YARS1: variants seen among roughly 807,000 people sequenced by gnomAD.
YARS1 encodes tyrosine--tRNA ligase, cytoplasmic.
A neutral mutation model predicts 62.2 loss-of-function variants in YARS1; 36 were observed. The ratio of observed to expected loss-of-function variants is 0.58; its 90% CI spans 0.44 to 0.76. The LOEUF is 0.76. YARS1 is among the 30% of genes least tolerant of loss of function. YARS1 has a pLI of 0.00. For synonymous variants in YARS1, 234 were observed against 244.9 expected (o/e 0.96, Z 0.42); for missense variants, 524 against 639.8 (o/e 0.82, Z 1.95).
chr1:32,805,501 C>G (rs889251697), intron 4 of YARS1, among the ~76,000 whole-genome samples: 8 of 152,132 alleles, frequency 5.3e-5, no homozygotes, highest in Non-Finnish European at 8.8e-5. Flanking sequence ...ATGTCTGTTT[C>G]TATTTTTCAG....
chr1:32,776,908 G>T lies in YARS1; in HGVS notation c.1477-817C>A, dbSNP rs950554678. Among the ~76,000 whole-genome samples the T allele has an allele frequency of 2.0e-5, 3 of 151,948 alleles. No individual in the cohort carries two copies. Among genetic ancestry groups the T allele is most frequent in the Admixed American group, 6.6e-5 (1 of 15,260 alleles). On this transcript the variant is annotated intron_variant, in intron 12 of 12. Transcript: ENST00000373477. The surrounding 1 kb of genome is among the most constrained non-coding windows in gnomAD (Gnocchi z 4.0). ...CTTGAACCTGAGAGGAGGAGGTTGT[G>T]GCGGGCCGAGATCACGCCACCACAC...
rs1652830995 is a variant in YARS1 at position 32,775,682 on chromosome 1, A to C, written c.*299T>G. ...TTCCAATTATAAGGACTGTGGCATAAATTTTTAAATGAGTTATATTGAAAC... is the reference window on the plus strand; with the variant it reads ...TTCCAATTATAAGGACTGTGGCATACATTTTTAAATGAGTTATATTGAAAC... On this transcript the variant is annotated 3_prime_UTR_variant, in exon 13 of 13. Coordinates refer to ENST00000373477, the MANE Select transcript of YARS1 (RefSeq NM_003680.4). 4.6e-6 allele frequency: 2 copies of C among 437,830 alleles called. No individual in the cohort carries two copies. Among genetic ancestry groups the C allele is most frequent in the Non-Finnish European group, 8.3e-6 (2 of 239,876 alleles). The allele number at this position is 437,830 out of a possible 1,614,324, so 27.1% of individuals were successfully genotyped here.
At chr1:32,816,600 T>A (rs1240142859) in intron 1 of YARS1, among the ~76,000 whole-genome samples, 1 of 152,220 alleles carries the variant, frequency 6.6e-6, no homozygotes, top group Non-Finnish European at 1.5e-5. Flanking sequence ...CAATTTCTGT[T>A]TCCTCCATCT....
At chr1:32,805,311 T>C (rs1458980694) in intron 4 of YARS1, among the ~76,000 whole-genome samples, 1 of 150,884 alleles carries the variant, frequency 6.6e-6, no homozygotes, top group Non-Finnish European at 1.5e-5. Flanking sequence ...CACCTTGCAC[T>C]TTTATGTTAT....
intron 10 of YARS1, 192 bp from the exon 11 acceptor site, chr1:32,780,470 A>T (rs981543476): frequency 3.1e-6 from 2 of 640,850 alleles, no homozygotes; most frequent in East Asian, 5.5e-5. Context: ...TCTGCTCTCA[A>T]CTGAGGCCAG....
At chr1:32,787,981 G>A (rs941130819) in intron 6 of YARS1, among the ~76,000 whole-genome samples, 10 of 152,042 alleles carry the variant, frequency 6.6e-5, no homozygotes, top group Non-Finnish European at 1.2e-4. Context: ...GTGGTTGTAC[G>A]CGCCTGTGGT....
At chr1:32,813,142 C>T (rs1569782415) in intron 1 of YARS1, among the ~76,000 whole-genome samples, 1 of 152,156 alleles carries the variant, frequency 6.6e-6, no homozygotes, top group South Asian at 2.1e-4. Flanking sequence ...CAATGTATAC[C>T]TTACTTGTAT....
rs1473184666 is a variant in YARS1, at chr1:32,806,490, C to T, written c.502G>A (p.Gly168Arg). ...CCATCCCCCTTAAGTACCTGCAGTC[C>T]GGGGTATAAGAGGCCACTCAGCAAA... ...HPLLSGLLYP[G>R]LQALDEEYLK... The change falls in exon 4 of 13, where the codon GGA (glycine) becomes AGA (arginine). Residue 168 changes from glycine to arginine, a missense_variant. Coordinates refer to ENST00000373477, the MANE Select transcript of YARS1 (RefSeq NM_003680.4). The T allele has an allele frequency of 8.1e-6, 13 of 1,613,886 alleles. No homozygotes were observed. The highest frequency in any genetic ancestry group is 2.7e-5 in the African/African-American group (2 of 74,908).
Position 32,780,294 on chromosome 1 carries a change from G to A in YARS1, c.1141-16C>T, listed in dbSNP as rs201616999. On this transcript the variant is annotated splice_polypyrimidine_tract_variant and intron_variant, in intron 10 of 12. Transcript: ENST00000373477. ...CATCTGGGTGCTGCCAGGGAGAGAC[G>A]TCAGGAGGAAGAGGATCATCGTCCA... 3.2e-5 allele frequency: 52 copies of A among 1,613,784 alleles called. No homozygotes were observed. In the East Asian group the frequency reaches 5.1e-4, roughly 16 times the overall value.
At chr1:32,785,101 C>T (rs918190560) in intron 8 of YARS1, among the ~76,000 whole-genome samples, 4 of 152,160 alleles carry the variant, frequency 2.6e-5, no homozygotes, top group Non-Finnish European at 5.9e-5. Flanking sequence ...ATTTGCCTAT[C>T]GAATCTGGGA....
chr1:32,809,989 C>T (rs61800866), intron 3 of YARS1, among the ~76,000 whole-genome samples: 20,830 of 151,654 alleles, frequency 0.14, 1,780 homozygotes, highest in South Asian at 0.23. Context: ...GCCTGTAATC[C>T]CAGGTACTCA....
intron 5 of YARS1, 69 bp from the exon 6 acceptor site, chr1:32,791,323 C>G: frequency 1.6e-6 from 2 of 1,263,648 alleles, no homozygotes; most frequent in South Asian, 1.2e-5. Flanking sequence ...CTGATCTCAT[C>G]TGACTTGGCC....
chr1:32,813,216 A>T (rs982097940), intron 1 of YARS1, among the ~76,000 whole-genome samples: 1 of 152,154 alleles, frequency 6.6e-6, no homozygotes, highest in Non-Finnish European at 1.5e-5. Context: ...CTGTAACCCA[A>T]CCACCTTGGA....
intron 1 of YARS1, 65 bp from the exon 2 acceptor site, chr1:32,811,122 G>C: frequency 6.2e-7 from 1 of 1,609,264 alleles, no homozygotes; most frequent in South Asian, 1.1e-5. Context: ...TTTACCATGT[G>C]ACAAGGAAAA....
chr1:32,803,231 G>A (rs1053056568), intron 4 of YARS1, among the ~76,000 whole-genome samples: 7 of 151,066 alleles, frequency 4.6e-5, no homozygotes, highest in African/African-American at 9.7e-5. Context: ...TGCCTGCCTC[G>A]GCCTCCCAAA....
chr1:32,802,721 T>C (rs182132094), intron 4 of YARS1, among the ~76,000 whole-genome samples: 48 of 152,280 alleles, frequency 3.2e-4, no homozygotes, highest in African/African-American at 1.1e-3. Flanking sequence ...GTCTCAAAAG[T>C]GGGCTTAAAA....
intron 1 of YARS1, among the ~76,000 whole-genome samples, chr1:32,815,784 G>A (rs118080042): frequency 9.2e-5 from 14 of 152,186 alleles, no homozygotes; most frequent in East Asian, 1.9e-4. Context: ...AATAGGTAGC[G>A]TCTGCTAACG....
Position 32,775,723 on chromosome 1 carries a change from G to T in YARS1, c.*258C>A. ...ATATTGAAACCAGATTTCTCCAGCT[G>T]CCAAGGGAAGAAGGTAGGGCTGGAC... On this transcript the variant is annotated 3_prime_UTR_variant, in exon 13 of 13. Coordinates refer to ENST00000373477, the MANE Select transcript of YARS1 (RefSeq NM_003680.4). 1 of 554,632 alleles carries T rather than the reference G, an allele frequency of 1.8e-6. No homozygotes were observed. The highest frequency in any genetic ancestry group is 3.2e-6 in the Non-Finnish European group (1 of 309,524). The allele number at this position is 554,632 out of a possible 1,614,324, so 34.4% of individuals were successfully genotyped here.
intron 3 of YARS1, 86 bp from the exon 4 acceptor site, chr1:32,806,697 C>T: frequency 1.9e-6 from 3 of 1,580,332 alleles, no homozygotes. Flanking sequence ...TAATTTACTT[C>T]CCTAACCTTA....
Sources: gnomAD v4.1 joint callset for allele counts (sites outside exome capture counted in the v4.1 genomes callset) on GRCh38, gnomAD v4.1.1 for gene constraint, Gnocchi (gnomAD v3.1) non-coding constraint, MANE v1.5 for transcripts, NCBI Gene and HGNC (gene_info 2026-07-23, HGNC 2026-07-21) for gene names.